MAK: variants seen among roughly 807,000 people sequenced by gnomAD.
The protein encoded by MAK is serine/threonine-protein kinase MAK.
MAK carries 65 observed loss-of-function variants against 82.6 expected under a neutral mutation model. The ratio of observed to expected loss-of-function variants is 0.79; its 90% CI spans 0.64 to 0.97. The LOEUF (loss-of-function observed/expected upper bound fraction) is 0.97, where lower values mean the gene tolerates loss of function less well. Ranked by LOEUF, MAK falls within the 50% of genes least tolerant of loss-of-function variation. The pLI is 0.00. For missense variants in MAK, 703 were observed against 780.2 expected, an observed-to-expected ratio of 0.90 and a Z score of 1.18; for synonymous variants, 250 against 274.2, an observed-to-expected ratio of 0.91 and a Z score of 0.87.
In MAK at chr6:10,801,363, A is replaced by T. The variant is rs114315636; in HGVS notation, c.831+529T>A. 1.1e-4 allele frequency among the ~76,000 whole-genome samples: 17 copies of T among 152,354 alleles called. No homozygotes were observed. In the South Asian group the frequency reaches 3.5e-3, roughly 32 times the overall value. ...GGTTTAAAGGCCCTAGACTTGGAATACATCTGTAGATATGTCAGGTGTAGT... is the reference window on the plus strand; with the variant it reads ...GGTTTAAAGGCCCTAGACTTGGAATTCATCTGTAGATATGTCAGGTGTAGT... On this transcript the variant is annotated intron_variant, in intron 8 of 14. Coordinates refer to ENST00000354489, the MANE Select transcript of MAK (RefSeq NM_001242957.3).
rs1772140334 is a variant in MAK, at chr6:10,763,668, T to C, written c.*784A>G. 6.6e-6 allele frequency: 1 copy of C among 151,762 alleles called. No individual in the cohort carries two copies. Among genetic ancestry groups the C allele is most frequent in the African/African-American group, 2.4e-5 (1 of 41,272 alleles). The allele number at this position is 151,762 out of a possible 1,614,324, so 9.4% of individuals were successfully genotyped here. A position where few individuals can be genotyped will look rare whatever the true frequency, so the allele number is the denominator to read the frequency against. ...GAGACCAGCCTGAGCCTGACCAACA[T>C]GGTGAAACCCTGTCTCTACTAATAC... On this transcript the variant is annotated 3_prime_UTR_variant, in exon 15 of 15. Transcript: ENST00000354489.
chr6:10,782,636 C>T (rs1181415494), intron 11 of MAK, among the ~76,000 whole-genome samples: 4 of 145,840 alleles, frequency 2.7e-5, no homozygotes, highest in East Asian at 2.0e-4. Flanking sequence ...TGGAGTGCAG[C>T]GGTGCCATCT....
intron 14 of MAK, among the ~76,000 whole-genome samples, chr6:10,765,447 T>A (rs1474096039): frequency 2.4e-4 from 2 of 8,468 alleles, no homozygotes; most frequent in African/African-American, 5.7e-4. Flanking sequence ...AAGATTTTTT[T>A]TTTTTTTTTT....
At chr6:10,784,107 G>A (rs1269336395) in intron 11 of MAK, among the ~76,000 whole-genome samples, 1 of 152,086 alleles carries the variant, frequency 6.6e-6, no homozygotes, top group African/African-American at 2.4e-5. Flanking sequence ...ATAAAAAGTT[G>A]TAATGGGGGC....
chr6:10,828,758 G>A (rs968768053), intron 2 of MAK, among the ~76,000 whole-genome samples: 10 of 151,952 alleles, frequency 6.6e-5, no homozygotes, highest in Non-Finnish European at 1.5e-4. Flanking sequence ...TTGTACCACC[G>A]TACCTCAGCC....
At position 10,796,165 on chromosome 6, in the gene MAK, C is replaced by A. The variant is rs367903138; in HGVS notation, c.976G>T (p.Asp326Tyr). The A allele has an allele frequency of 4.3e-6, 7 of 1,614,030 alleles. No homozygotes were observed. Among genetic ancestry groups the A allele is most frequent in the Non-Finnish European group, 5.9e-6 (7 of 1,180,028 alleles). The change falls in exon 9 of 15, where the codon GAT (aspartate) becomes TAT (tyrosine). Residue 326 changes from aspartate to tyrosine, a missense_variant. By Grantham distance (160) the Asp-to-Tyr change is radical. Transcript: ENST00000354489. The stretch of plus-strand genomic sequence containing the variant: ...TGTCCAACAACCTGATCGATTATAT[C>A]CGGCAGAGGCTTAGGCTCTACCTCA... ...LVEVEPKPLPDIIDQVVGQPQ... is the reference protein window; with the variant it reads ...LVEVEPKPLPYIIDQVVGQPQ...
chr6:10,781,488 A>G (rs1000021216), intron 11 of MAK, among the ~76,000 whole-genome samples: 1 of 150,766 alleles, frequency 6.6e-6, no homozygotes, highest in Admixed American at 6.6e-5. Flanking sequence ...CAATGTCACA[A>G]TCTTGGCTCA....
intron 1 of MAK, among the ~76,000 whole-genome samples, chr6:10,835,374 C>T (rs1779086425): frequency 6.6e-6 from 1 of 152,232 alleles, no homozygotes; most frequent in Non-Finnish European, 1.5e-5. Flanking sequence ...ACTCTCCTGC[C>T]TCAGCCTCCT....
chr6:10,785,343 G>A (rs979762870), intron 10 of MAK, among the ~76,000 whole-genome samples: 9 of 152,156 alleles, frequency 5.9e-5, no homozygotes, highest in African/African-American at 2.2e-4. Context: ...GTGCTGTAAT[G>A]AGCCCTCCAC....
At chr6:10,803,276 C>T (rs773200315) in intron 7 of MAK, among the ~76,000 whole-genome samples, 1 of 152,262 alleles carries the variant, frequency 6.6e-6, no homozygotes, top group African/African-American at 2.4e-5. Flanking sequence ...GTGGCTCACA[C>T]CAAGTAATCC....
Position 10,773,114 on chromosome 6 carries a change from G to A in MAK, c.1598-6C>T. The A allele has an allele frequency of 1.4e-6, 2 of 1,430,480 alleles. No homozygotes were observed. Among genetic ancestry groups the A allele is most frequent in the Non-Finnish European group, 1.9e-6 (2 of 1,056,812 alleles). 88.6% of individuals were successfully genotyped at this position (1,430,480 alleles called of 1,614,324 possible). ...TGGTTTAATTATGCTTTCTTCTAAA[G>A]AGAAGACAGATGGAAAGAAAGAATA... On this transcript the variant is annotated splice_polypyrimidine_tract_variant and splice_region_variant and intron_variant, in intron 12 of 14. Transcript: ENST00000354489.
chr6:10,813,110 ATATATATATATATATATATATATAAAT>A (rs1777113895), intron 5 of MAK, among the ~76,000 whole-genome samples: 4 of 1,340 alleles, frequency 3.0e-3, no homozygotes, highest in African/African-American at 5.2e-3. Context: ...ATATATATAT[ATATATATATATATATATATATATAAAT>A]TTTTTTTTTT....
intron 12 of MAK, 23 bp downstream of exon 12, chr6:10,775,305 T>C: frequency 6.2e-7 from 1 of 1,610,868 alleles, no homozygotes; most frequent in South Asian, 1.1e-5. Flanking sequence ...CCCGTACATG[T>C]ACATTTTGTA....
intron 10 of MAK, 76 bp downstream of exon 10, chr6:10,791,599 C>T: frequency 7.4e-7 from 1 of 1,355,176 alleles, no homozygotes; most frequent in African/African-American, 1.4e-5. Flanking sequence ...TTAGGGTCTA[C>T]ATGCATTTAT....
In MAK at chr6:10,764,501, G is replaced by A. The variant is rs1222250937; in HGVS notation, c.1898C>T (p.Ser633Leu). The change falls in exon 15 of 15, where the codon TCA becomes TTA. Residue 633 changes from serine to leucine, a missense_variant. Coordinates refer to ENST00000354489, the MANE Select transcript of MAK (RefSeq NM_001242957.3). The part of the protein sequence containing the change: ...NIVNRAQPIP[S>L]VHGRTDWVAK... ...CACCCAGTCTGTCCTCCCATGCACT[G>A]AGGGAATGGGCTGTGCACGGTTCAC... The A allele has an allele frequency of 1.2e-6, 2 of 1,613,958 alleles. No homozygotes were observed. The highest frequency in any genetic ancestry group is 1.7e-5 in the Admixed American group (1 of 60,020).
intron 11 of MAK, among the ~76,000 whole-genome samples, chr6:10,778,882 C>A (rs1338061313): frequency 6.6e-6 from 1 of 152,010 alleles, no homozygotes; most frequent in Non-Finnish European, 1.5e-5. Context: ...AATCCCAGCA[C>A]TTTGGGAGGC....
chr6:10,808,371 C>T lies in MAK; in HGVS notation c.491+439G>A, dbSNP rs563645383. The stretch of plus-strand genomic sequence containing the variant: ...AGTATACGATGCTACTGTTCATGGA[C>T]GTTTGGGTGGCGTGCAGTAGAGAGG... On this transcript the variant is annotated intron_variant, in intron 6 of 14. Transcript: ENST00000354489. Among the ~76,000 whole-genome samples the T allele has an allele frequency of 3.5e-4, 53 of 152,212 alleles. 1 individual carries two copies. Among genetic ancestry groups the T allele is most frequent in the Middle Eastern group, 3.4e-3 (1 of 294 alleles).
At chr6:10,788,486 CTT>C (rs1054187652) in intron 10 of MAK, among the ~76,000 whole-genome samples, 1 of 152,162 alleles carries the variant, frequency 6.6e-6, no homozygotes, top group Non-Finnish European at 1.5e-5. Context: ...AATCCCAACA[CTT>C]TTGGAGGCCG....
chr6:10,809,061 A>G, intron 5 of MAK, 119 bp from the exon 6 acceptor site: 1 of 943,802 alleles, frequency 1.1e-6, no homozygotes, highest in South Asian at 1.4e-5. Context: ...ACATCATCTT[A>G]GGAAAAAAGT....
Sources: gnomAD v4.1 joint callset for allele counts (sites outside exome capture counted in the v4.1 genomes callset) on GRCh38, gnomAD v4.1.1 for gene constraint, MANE v1.5 for transcripts, NCBI Gene and HGNC (gene_info 2026-07-23, HGNC 2026-07-21) for gene names.